SVEP1: variants seen among roughly 807,000 people sequenced by gnomAD.
SVEP1 encodes sushi, von Willebrand factor type A, EGF and pentraxin domain-containing protein 1.
A neutral mutation model predicts 367.3 loss-of-function variants in SVEP1; 164 were observed. That is an observed-to-expected ratio of 0.45 (90% CI 0.39 to 0.51). The LOEUF is 0.51. Ranked by LOEUF, SVEP1 falls within the 20% of genes least tolerant of loss-of-function variation. The pLI, the probability that SVEP1 is intolerant of heterozygous loss-of-function variation, is 0.00. For synonymous variants in SVEP1, 1,666 were observed against 1,611.6 expected (o/e 1.03, Z -0.81); for missense variants, 4,117 against 4,425.3 (o/e 0.93, Z 1.98).
intron 3 of SVEP1, among the ~76,000 whole-genome samples, chr9:110,526,255 GA>G (rs976988422): frequency 6.6e-6 from 1 of 151,898 alleles, no homozygotes; most frequent in African/African-American, 2.4e-5. Flanking sequence ...CCACAGAATG[GA>G]AGAAAATATT....
chr9:110,487,349 A>G (rs1030007885), intron 9 of SVEP1, among the ~76,000 whole-genome samples: 1 of 152,256 alleles, frequency 6.6e-6, no homozygotes, highest in African/African-American at 2.4e-5. Context: ...ATTATGAAAA[A>G]TTAAAACTTG....
Position 110,408,253 on chromosome 9 carries a change from T to C in SVEP1, c.7347A>G (p.Gly2449=). 6.2e-7 allele frequency: 1 copy of C among 1,613,970 alleles called. No homozygotes were observed. Among genetic ancestry groups the C allele is most frequent in the Non-Finnish European group, 8.5e-7 (1 of 1,179,880 alleles). ...AGGCAAGGCCTTGCACATCAATGAT[T>C]CCATTGGGGATTTCCTCAGGTTGGG... ...ECPQPEEIPN[G]IIDVQGLAYL... is the part of the protein sequence containing the mutation. The change falls in exon 38 of 48, where the codon GGA becomes GGG. Residue 2449 remains glycine, a synonymous_variant. Transcript: ENST00000374469.
Position 110,408,391 on chromosome 9 carries a change from A to G in SVEP1, c.7209T>C (p.Thr2403=). The part of the protein sequence containing the change: ...IPSSALHFGS[T]VKYSCVGGFF... ...ACCCACCTACACAAGAATACTTGAC[A>G]GTACTTCCAAAATGAAGAGCAGAAG... Residue 2403 remains threonine (T), a synonymous_variant, in exon 38 of 48, where the codon ACT becomes ACC. Coordinates refer to ENST00000374469, the MANE Select transcript of SVEP1 (RefSeq NM_153366.4). 6.2e-7 allele frequency: 1 copy of G among 1,614,016 alleles called. No homozygotes were observed. The highest frequency in any genetic ancestry group is 8.5e-7 in the Non-Finnish European group (1 of 1,179,892).
In SVEP1 at chr9:110,365,658, G is replaced by A. The variant is rs1827188502; in HGVS notation, c.*881C>T. 2 of 152,274 alleles carry A rather than the reference G, an allele frequency of 1.3e-5. No homozygotes were observed. Among genetic ancestry groups the A allele is most frequent in the Non-Finnish European group, 1.5e-5 (1 of 68,106 alleles). The allele number at this position is 152,274 out of a possible 1,614,324, so 9.4% of individuals were successfully genotyped here. A position where few individuals can be genotyped will look rare whatever the true frequency, so the allele number is the denominator to read the frequency against. On this transcript the variant is annotated 3_prime_UTR_variant, in exon 48 of 48. Transcript: ENST00000374469. ...GTGGCTGCAATTCTTTTTTGCAGGT[G>A]AGACCAGGAGCACAGCTCTGGGGAA...
intron 36 of SVEP1, among the ~76,000 whole-genome samples, chr9:110,416,401 G>C (rs1483029566): frequency 2.0e-5 from 3 of 151,876 alleles, no homozygotes; most frequent in East Asian, 1.9e-4. Flanking sequence ...TCAAAAACAG[G>C]CTACAGATAT....
chr9:110,451,361 G>A lies in SVEP1; in HGVS notation c.3829C>T (p.Pro1277Ser), dbSNP rs868597344. 7 of 1,613,644 alleles carry A rather than the reference G, an allele frequency of 4.3e-6. No individual in the cohort carries two copies. In the Middle Eastern group the frequency reaches 9.9e-4, roughly 228 times the overall value. ...ACACAGATTCCTTTATTTAAACAAG[G>A]ACTGGAGCTACACTCATTTATATTT... ...EENINECSSS[P>S]CLNKGICVDG... Residue 1277 changes from proline (P) to serine (S), a missense_variant, in exon 23 of 48, where the codon CCT (proline) becomes TCT (serine). By Grantham distance (74) the Pro-to-Ser change is moderately conservative. Around this residue, in one of 4 missense-constraint regions of SVEP1, gnomAD observed 2,174 missense variants for 2,494.3 expected, o/e 0.87. Transcript: ENST00000374469.
At chr9:110,470,905 T>A (rs1416619972) in intron 16 of SVEP1, among the ~76,000 whole-genome samples, 1 of 152,118 alleles carries the variant, frequency 6.6e-6, no homozygotes, top group Non-Finnish European at 1.5e-5. Flanking sequence ...ATTAGGTATA[T>A]CTCCTAATGC....
intron 3 of SVEP1, among the ~76,000 whole-genome samples, chr9:110,538,219 C>G (rs186313487): frequency 2.0e-5 from 3 of 151,880 alleles, no homozygotes; most frequent in Non-Finnish European, 4.4e-5. Context: ...ACAAACTAGC[C>G]TGATTTAGGC....
chr9:110,463,944 C>T (rs1001444205), intron 18 of SVEP1, among the ~76,000 whole-genome samples: 5 of 151,950 alleles, frequency 3.3e-5, no homozygotes, highest in African/African-American at 1.2e-4. Context: ...GAGAGTAGGG[C>T]CAAAAATTTA....
chr9:110,408,093 C>T lies in SVEP1; in HGVS notation c.7507G>A (p.Glu2503Lys). Residue 2503 changes from glutamate (E) to lysine (K), a missense_variant, in exon 38 of 48, where the codon GAG becomes AAG. By Grantham distance (56) the Glu-to-Lys change is moderately conservative (BLOSUM62 1). Transcript: ENST00000374469. ...CKAIECLKPK[E>K]ILNGKFSYTD... ...TAAGAGAATTTGCCATTCAAAATCT[C>T]CTTGGGTTTCAGGCACTCAATGGCT... The T allele has an allele frequency of 6.2e-7, 1 of 1,613,930 alleles. No homozygotes were observed.
At chr9:110,399,483 TATAATA>T (rs937400230) in intron 40 of SVEP1, among the ~76,000 whole-genome samples, 9 of 152,084 alleles carry the variant, frequency 5.9e-5, no homozygotes, top group Admixed American at 5.2e-4. Context: ...AAACTTAAAG[TATAATA>T]ATAATAAAAT....
intron 20 of SVEP1, 86 bp downstream of exon 20, chr9:110,458,384 TG>T: frequency 1.8e-6 from 2 of 1,124,834 alleles, no homozygotes; most frequent in Non-Finnish European, 2.6e-6. Context: ...GTTTCAATCC[TG>T]GTCCTTTTCC....
At chr9:110,563,401 CATA>C (rs145529435) in intron 1 of SVEP1, among the ~76,000 whole-genome samples, 10,807 of 151,894 alleles carry the variant, frequency 0.071, 449 homozygotes, top group Non-Finnish European at 0.099. Flanking sequence ...ATATTATTTC[CATA>C]ATAAGGAAAA....
chr9:110,483,529 T>C, intron 10 of SVEP1, 57 bp downstream of exon 10: 3 of 1,332,900 alleles, frequency 2.3e-6, no homozygotes. Context: ...AAAAGCTTTT[T>C]AAAATAAAAA....
chr9:110,471,293 TA>T, intron 16 of SVEP1, 70 bp downstream of exon 16: 2 of 1,245,816 alleles, frequency 1.6e-6, no homozygotes, highest in Non-Finnish European at 2.3e-6. Flanking sequence ...TTTATAGTTG[TA>T]AAATGGCTAC....
chr9:110,575,863 A>G (rs1372413862), intron 1 of SVEP1, among the ~76,000 whole-genome samples: 1 of 152,218 alleles, frequency 6.6e-6, no homozygotes, highest in Non-Finnish European at 1.5e-5. Flanking sequence ...AAGGAGCTAT[A>G]TATGGACAAT....
rs193279250 is a variant in SVEP1, at chr9:110,525,187, C to T, written c.965-11081G>A. On this transcript the variant is annotated intron_variant, in intron 3 of 47. Coordinates refer to ENST00000374469, the MANE Select transcript of SVEP1 (RefSeq NM_153366.4). ...ACCTATTTATAAGTGATGTGATTCT[C>T]CTTATAAGAAATTTCAAGTACTCTA... 1.1e-4 allele frequency among the ~76,000 whole-genome samples: 16 copies of T among 152,104 alleles called. No homozygotes were observed. In the East Asian group the frequency reaches 2.3e-3, roughly 22 times the overall value.
chr9:110,490,403 C>T (rs555650921), intron 8 of SVEP1, among the ~76,000 whole-genome samples: 1 of 152,242 alleles, frequency 6.6e-6, no homozygotes, highest in South Asian at 2.1e-4. Flanking sequence ...GGTCACCCTA[C>T]TGATCTATGT....
chr9:110,391,409 T>C (rs1827653549), intron 40 of SVEP1, among the ~76,000 whole-genome samples: 1 of 151,906 alleles, frequency 6.6e-6, no homozygotes, highest in Non-Finnish European at 1.5e-5. Context: ...TAGCTGAGAC[T>C]ACAGGTGCCT....
Sources: gnomAD v4.1 joint callset for allele counts (sites outside exome capture counted in the v4.1 genomes callset) on GRCh38, gnomAD v4.1.1 for gene constraint, gnomAD v4.1.1 regional missense constraint, MANE v1.5 for transcripts, NCBI Gene and HGNC (gene_info 2026-07-23, HGNC 2026-07-21) for gene names.